The following GREB1L variants were observed in gnomAD, a reference collection of about 807,000 sequenced individuals.
GREB1L encodes GREB1-like protein.
Under a neutral mutation model 200.8 loss-of-function variants are expected in GREB1L, and 17 were observed. The observed-to-expected ratio is 0.08, with a 90% CI of 0.06 to 0.13. The LOEUF is 0.13. GREB1L is among the 10% of genes least tolerant of loss of function. The pLI is 1.00. For synonymous variants in GREB1L, 789 were observed against 893.0 expected (o/e 0.88, Z 2.08); for missense variants, 1,657 against 2,367.7 (o/e 0.70, Z 6.23).
chr18:21,474,354 C>T (rs1289646029), intron 16 of GREB1L, among the ~76,000 whole-genome samples: 3 of 152,164 alleles, frequency 2.0e-5, no homozygotes, highest in Non-Finnish European at 4.4e-5. Flanking sequence ...TTGGCTAAAA[C>T]AAAGAGGCTA....
At chr18:21,346,259 A>C (rs1255683900) in intron 1 of GREB1L, among the ~76,000 whole-genome samples, 1 of 152,052 alleles carries the variant, frequency 6.6e-6, no homozygotes, top group East Asian at 1.9e-4. Flanking sequence ...GCACCCACAC[A>C]GGCTATCATG....
At chr18:21,309,752 A>G (rs2038761507) in intron 1 of GREB1L, among the ~76,000 whole-genome samples, 1 of 151,966 alleles carries the variant, frequency 6.6e-6, no homozygotes, top group South Asian at 2.1e-4. Context: ...GCAAAACATA[A>G]CCCATAGCTG....
chr18:21,274,330 A>T (rs1567917363), intron 1 of GREB1L, among the ~76,000 whole-genome samples: 1 of 152,168 alleles, frequency 6.6e-6, no homozygotes, highest in Non-Finnish European at 1.5e-5. Flanking sequence ...ATTTCAACAT[A>T]TGAATTTTGG....
At chr18:21,363,265 G>GCC (rs1356372914) in intron 1 of GREB1L, among the ~76,000 whole-genome samples, 3 of 32,604 alleles carry the variant, frequency 9.2e-5, no homozygotes, top group African/African-American at 1.5e-4. Context: ...GGCTCCCCCT[G>GCC]CCCCCACTCC....
chr18:21,271,448 A>G (rs1484586066), intron 1 of GREB1L, among the ~76,000 whole-genome samples: 1 of 151,950 alleles, frequency 6.6e-6, no homozygotes, highest in East Asian at 1.9e-4. Context: ...GGAATTTGAT[A>G]CCACCCTAGG....
At chr18:21,245,936 C>T (rs1055485427) in intron 1 of GREB1L, among the ~76,000 whole-genome samples, 42 of 152,112 alleles carry the variant, frequency 2.8e-4, no homozygotes, top group African/African-American at 9.7e-4. Context: ...AGGATGGTCT[C>T]GATCTCATCG....
intron 1 of GREB1L, among the ~76,000 whole-genome samples, chr18:21,291,739 A>C (rs2038453720): frequency 6.6e-6 from 1 of 152,176 alleles, no homozygotes; most frequent in African/African-American, 2.4e-5. Context: ...CATGCAGCTC[A>C]TTGGGGACTA....
chr18:21,329,373 C>T (rs2039072764), intron 1 of GREB1L, among the ~76,000 whole-genome samples: 1 of 150,532 alleles, frequency 6.6e-6, no homozygotes, highest in South Asian at 2.1e-4. Flanking sequence ...TACAATTGAC[C>T]CTTGTCTTAC....
At chr18:21,278,381 AAAAAAAAAAAATAAAT>A (rs941991459) in intron 1 of GREB1L, among the ~76,000 whole-genome samples, 4 of 77,472 alleles carry the variant, frequency 5.2e-5, no homozygotes, top group Admixed American at 4.5e-4. Context: ...ACTCCATCTC[AAAAAAAAAAAATAAAT>A]AAATAAATAA....
At chr18:21,395,315 A>G in intron 4 of GREB1L, 70 bp from the exon 5 acceptor site, 1 of 1,209,008 alleles carries the variant, frequency 8.3e-7, no homozygotes, top group Non-Finnish European at 1.2e-6. Context: ...TCTACTCTCC[A>G]AATGAGTGAT....
At chr18:21,438,874 T>C (rs1271089796) in intron 7 of GREB1L, among the ~76,000 whole-genome samples, 1 of 143,474 alleles carries the variant, frequency 7.0e-6, no homozygotes, top group Non-Finnish European at 1.5e-5. Context: ...GGCAGGAGAA[T>C]GGCATGAACC....
At chr18:21,503,953 A>T (rs1489972781) in intron 23 of GREB1L, among the ~76,000 whole-genome samples, 10 of 149,010 alleles carry the variant, frequency 6.7e-5, no homozygotes, top group South Asian at 6.4e-4. Context: ...TTATTTATTT[A>T]TTTTTTGAGA....
At chr18:21,450,759 A>G (rs2034480907) in intron 12 of GREB1L, 1 of 308,542 alleles carries the variant, frequency 3.2e-6, no homozygotes, top group Non-Finnish European at 6.0e-6. Flanking sequence ...ATTAAACACA[A>G]ACGTGCATAT....
At chr18:21,385,812 G>A (rs1405361584) in intron 4 of GREB1L, among the ~76,000 whole-genome samples, 1 of 152,182 alleles carries the variant, frequency 6.6e-6, no homozygotes, top group Non-Finnish European at 1.5e-5. Context: ...GAGTTACATA[G>A]AGTAAAAGCT....
rs759732608 is a variant in GREB1L, at chr18:21,440,252, T to C, written c.950-17T>C. ...AACAAGACTATCTCTTTTTTTTGTT[T>C]TTTTGTTTGTCTTCAGCTACCATGT... On this transcript the variant is annotated splice_polypyrimidine_tract_variant and intron_variant, in intron 8 of 32. Transcript: ENST00000424526. 10 of 1,551,356 alleles carry C rather than the reference T, an allele frequency of 6.4e-6. No individual in the cohort carries two copies. Among genetic ancestry groups the C allele is most frequent in the Non-Finnish European group, 7.8e-6 (9 of 1,146,916 alleles).
intron 5 of GREB1L, among the ~76,000 whole-genome samples, chr18:21,397,536 A>AG (rs1567977653): frequency 7.5e-6 from 1 of 134,012 alleles, no homozygotes; most frequent in African/African-American, 3.1e-5. Flanking sequence ...AAAAAAAAAA[A>AG]AAAAAAATAA....
chr18:21,425,230 G>T (rs530895422), intron 7 of GREB1L, among the ~76,000 whole-genome samples: 2 of 151,914 alleles, frequency 1.3e-5, no homozygotes, highest in South Asian at 4.2e-4. Flanking sequence ...TTTCTTGATG[G>T]TGTCCTTTGA....
intron 7 of GREB1L, among the ~76,000 whole-genome samples, chr18:21,416,702 A>C (rs565879639): frequency 6.6e-6 from 1 of 151,648 alleles, no homozygotes; most frequent in African/African-American, 2.4e-5. Flanking sequence ...TCAAAAAAAA[A>C]AAAAAAAACT....
At chr18:21,507,172 T>C (rs2037049679) in intron 25 of GREB1L, among the ~76,000 whole-genome samples, 1 of 152,206 alleles carries the variant, frequency 6.6e-6, no homozygotes, top group Admixed American at 6.5e-5. Context: ...TGCTTTGAAA[T>C]AAGCTCATAA....
Sources: gnomAD v4.1 joint callset for allele counts (sites outside exome capture counted in the v4.1 genomes callset) on GRCh38, gnomAD v4.1.1 for gene constraint, MANE v1.5 for transcripts, NCBI Gene and HGNC (gene_info 2026-07-23, HGNC 2026-07-21) for gene names.